Variants in PCDHGB6 observed in about 807,000 individuals in gnomAD.
The protein encoded by PCDHGB6 is protocadherin gamma subfamily B, 6, also known as protocadherin gamma-B6.
PCDHGB6 carries 51 observed loss-of-function variants against 59.1 expected under a neutral mutation model. The ratio of observed to expected loss-of-function variants is 0.86; its 90% CI spans 0.69 to 1.09. PCDHGB6 has a LOEUF of 1.09. Among genes scored for constraint, PCDHGB6 ranks in the 50% least tolerant of loss-of-function variants. The pLI is 0.00. For synonymous variants in PCDHGB6, 466 were observed against 495.1 expected (o/e 0.94, Z 0.78); for missense variants, 1,148 against 1,205.1 (o/e 0.95, Z 0.70).
Position 141,432,759 on chromosome 5 carries a change from G to A in PCDHGB6, c.2418+22139G>A. 6.2e-7 allele frequency: 1 copy of A among 1,614,150 alleles called. No individual in the cohort carries two copies. The highest frequency in any genetic ancestry group is 8.5e-7 in the Non-Finnish European group (1 of 1,180,006). On this transcript the variant is annotated intron_variant, in intron 1 of 3. Coordinates refer to ENST00000520790, the MANE Select transcript of PCDHGB6 (RefSeq NM_018926.3). This position sits in a 1 kb window ranked among gnomAD's most constrained non-coding sequence, Gnocchi z 6.0. ...ACGCTCACCGTGGCCGTGGCCGACA[G>A]CATCCCCCAAGTCCTGGCGGACCTC...
chr5:141,421,380 G>A, intron 1 of PCDHGB6: 1 of 1,614,064 alleles, frequency 6.2e-7, no homozygotes, highest in Non-Finnish European at 8.5e-7. Context: ...ATATCTCCAA[G>A]GACCTGGGGC....
At chr5:141,421,679 C>T (rs1210753842) in intron 1 of PCDHGB6, 2 of 1,613,810 alleles carry the variant, frequency 1.2e-6, no homozygotes, top group Admixed American at 1.7e-5. Context: ...ATTCCTGGGG[C>T]GCGATTTGCT....
In PCDHGB6 at chr5:141,410,170, C is replaced by A; in HGVS notation, c.1968C>A (p.Ala656=). ...ACGGTGGACAGCCGCCACTCTCTGC[C>A]ACCGCCACGCTTCATCTGGTCTTCG... ...VRDGGQPPLS[A]TATLHLVFAD... Residue 656 remains alanine, a synonymous_variant, in exon 1 of 4, where the codon GCC becomes GCA. Coordinates refer to ENST00000520790, the MANE Select transcript of PCDHGB6 (RefSeq NM_018926.3). 1 of 1,613,828 alleles carries A rather than the reference C, an allele frequency of 6.2e-7. No homozygotes were observed. Among genetic ancestry groups the A allele is most frequent in the African/African-American group, 1.3e-5 (1 of 75,074 alleles).
chr5:141,491,047 G>A lies in PCDHGB6; in HGVS notation c.2419-3760G>A, dbSNP rs751761240. On this transcript the variant is annotated intron_variant, in intron 1 of 3. Coordinates refer to ENST00000520790, the MANE Select transcript of PCDHGB6 (RefSeq NM_018926.3). The surrounding 1 kb of genome is among the most constrained non-coding windows in gnomAD (Gnocchi z 6.9). Reference sequence around the variant, plus strand: ...CGTGGATGCTGATGCAGGCCACAATGCGTGGCTCTCCTACTCACTGTTGCC... The same window carrying A: ...CGTGGATGCTGATGCAGGCCACAATACGTGGCTCTCCTACTCACTGTTGCC... 4 of 1,614,054 alleles carry A rather than the reference G, an allele frequency of 2.5e-6. No homozygotes were observed. Among genetic ancestry groups the A allele is most frequent in the Non-Finnish European group, 3.4e-6 (4 of 1,180,034 alleles).
chr5:141,412,093 GCA>G (rs1252719565), intron 1 of PCDHGB6: 2 of 152,146 alleles, frequency 1.3e-5, no homozygotes, highest in Non-Finnish European at 2.9e-5. Flanking sequence ...GGGTTGATGG[GCA>G]CACACAGTTG....
chr5:141,491,152 G>A lies in PCDHGB6; in HGVS notation c.2419-3655G>A. 1 of 1,614,168 alleles carries A rather than the reference G, an allele frequency of 6.2e-7. No homozygotes were observed. The highest frequency in any genetic ancestry group is 8.5e-7 in the Non-Finnish European group (1 of 1,179,990). On this transcript the variant is annotated intron_variant, in intron 1 of 3. Transcript: ENST00000520790. The surrounding 1 kb of genome is among the most constrained non-coding windows in gnomAD (Gnocchi z 6.9). ...CACAGCCCGGGCCTTACTGGAGGAT[G>A]ACTCTGACACCCAGCAGGTGGTGGT...
rs765318875 is a variant in PCDHGB6 at position 141,489,896 on chromosome 5, C to A, written c.2419-4911C>A. On this transcript the variant is annotated intron_variant, in intron 1 of 3. Coordinates refer to ENST00000520790, the MANE Select transcript of PCDHGB6 (RefSeq NM_018926.3). This position sits in a 1 kb window ranked among gnomAD's most constrained non-coding sequence, Gnocchi z 4.5. ...GTGCTTACTGCTGTGGATGGGGGGA[C>A]CCCAGCCCGCTCAGGGACCACCCTT... 5 of 1,614,062 alleles carry A rather than the reference C, an allele frequency of 3.1e-6. No homozygotes were observed.
At chr5:141,429,240 TGA>T (rs998506084) in intron 1 of PCDHGB6, 1 of 151,858 alleles carries the variant, frequency 6.6e-6, no homozygotes, top group Non-Finnish European at 1.5e-5. Context: ...CTGCTGTCAT[TGA>T]GATATTTTAA....
At chr5:141,422,963 C>A (rs372620011) in intron 1 of PCDHGB6, 1 of 1,614,120 alleles carries the variant, frequency 6.2e-7, no homozygotes, top group Non-Finnish European at 8.5e-7. Flanking sequence ...GTGGAGCTGG[C>A]GCCCCGCTCT....
At position 141,491,796 on chromosome 5, in the gene PCDHGB6, C is replaced by T. The variant is rs1487915203; in HGVS notation, c.2419-3011C>T. The stretch of plus-strand genomic sequence containing the variant: ...GATTGAACTTGCATCCACTCCTCTC[C>T]GGCCGGCTTGGTCGCTGGCTGCGCT... On this transcript the variant is annotated intron_variant, in intron 1 of 3. Transcript: ENST00000520790. The surrounding 1 kb of genome is among the most constrained non-coding windows in gnomAD (Gnocchi z 6.9). 6.6e-7 allele frequency: 1 copy of T among 1,509,866 alleles called. No homozygotes were observed. The highest frequency in any genetic ancestry group is 2.4e-5 in the Admixed American group (1 of 42,218). The allele number at this position is 1,509,866 out of a possible 1,614,324, so 93.5% of individuals were successfully genotyped here. A position where few individuals can be genotyped will look rare whatever the true frequency, so the allele number is the denominator to read the frequency against.
intron 1 of PCDHGB6, among the ~76,000 whole-genome samples, chr5:141,460,447 A>G (rs1202218653): frequency 6.6e-6 from 1 of 152,170 alleles, no homozygotes; most frequent in Non-Finnish European, 1.5e-5. Context: ...GTAACAATGA[A>G]GATTCATATT....
intron 1 of PCDHGB6, among the ~76,000 whole-genome samples, chr5:141,425,427 A>G (rs925551543): frequency 2.2e-4 from 33 of 152,362 alleles, no homozygotes; most frequent in Non-Finnish European, 4.1e-4. Flanking sequence ...GTCCCATTAA[A>G]TAGAGGATAA....
At chr5:141,460,483 C>G (rs2098990314) in intron 1 of PCDHGB6, among the ~76,000 whole-genome samples, 1 of 152,046 alleles carries the variant, frequency 6.6e-6, no homozygotes, top group African/African-American at 2.4e-5. Flanking sequence ...ATCCAATTGT[C>G]TCTTTGGAAA....
Position 141,418,176 on chromosome 5 carries a change from T to G in PCDHGB6, c.2418+7556T>G, listed in dbSNP as rs1197334192. 1 of 1,614,078 alleles carries G rather than the reference T, an allele frequency of 6.2e-7. No individual in the cohort carries two copies. Among genetic ancestry groups the G allele is most frequent in the Non-Finnish European group, 8.5e-7 (1 of 1,179,908 alleles). On this transcript the variant is annotated intron_variant, in intron 1 of 3. Coordinates refer to ENST00000520790, the MANE Select transcript of PCDHGB6 (RefSeq NM_018926.3). ...GAGAGAAGAAGATGTGAGTTGCAAT[T>G]GGAAGCTGTGGTGGAAAATCCTTTA...
At chr5:141,433,253 G>C (rs1288721469) in intron 1 of PCDHGB6, 1 of 1,416,466 alleles carries the variant, frequency 7.1e-7, no homozygotes, top group East Asian at 2.3e-5. Flanking sequence ...GAATGCAGCG[G>C]TACGATCATA....
chr5:141,438,635 T>C (rs1325567714), intron 1 of PCDHGB6, among the ~76,000 whole-genome samples: 9 of 33,420 alleles, frequency 2.7e-4, no homozygotes, highest in East Asian at 1.8e-3. Flanking sequence ...TATATATATA[T>C]ACACACACAC....
At chr5:141,495,279 G>T (rs72790069) in intron 2 of PCDHGB6, among the ~76,000 whole-genome samples, 4 of 152,146 alleles carry the variant, frequency 2.6e-5, no homozygotes, top group Non-Finnish European at 5.9e-5. Context: ...CGGAGGAGGC[G>T]GTCCGCACTC....
chr5:141,427,213 G>A (rs566924176), intron 1 of PCDHGB6: 3 of 456,706 alleles, frequency 6.6e-6, no homozygotes, highest in East Asian at 6.9e-5. Context: ...TTCGAATTTC[G>A]TAGCAGTTAT....
At chr5:141,422,110 T>A in intron 1 of PCDHGB6, 1 of 1,606,626 alleles carries the variant, frequency 6.2e-7, no homozygotes, top group South Asian at 1.1e-5. Flanking sequence ...AATATTCCAA[T>A]TGGATTCACA....
Sources: allele counts gnomAD v4.1 joint callset (sites outside exome capture counted in the v4.1 genomes callset), GRCh38; gene constraint gnomAD v4.1.1; non-coding constraint Gnocchi (gnomAD v3.1); transcripts MANE v1.5; gene names NCBI Gene and HGNC (gene_info 2026-07-23, HGNC 2026-07-21).